The following EZH2 variants were observed in gnomAD, a reference collection of about 807,000 sequenced individuals.
EZH2 encodes enhancer of zeste 2 polycomb repressive complex 2 subunit.
EZH2 carries 18 observed loss-of-function variants against 98.4 expected under a neutral mutation model. That is an observed-to-expected ratio of 0.18 (90% CI 0.13 to 0.27). The LOEUF (loss-of-function observed/expected upper bound fraction) is 0.27, where lower values mean the gene tolerates loss of function less well. Among genes scored for constraint, EZH2 ranks in the 10% least tolerant of loss-of-function variants. The pLI is 1.00. For missense variants in EZH2, 470 were observed against 935.1 expected (o/e 0.50, Z 6.49); for synonymous variants, 338 against 312.3 (o/e 1.08, Z -0.87).
At chr7:148,814,890 T>C (rs763655878) in intron 14 of EZH2, 24 bp downstream of exon 14, 2 of 1,607,670 alleles carry the variant, frequency 1.2e-6, no homozygotes, top group Non-Finnish European at 1.7e-6. Context: ...CTCATGCAAT[T>C]GCATCAAAGC....
chr7:148,852,801 C>CA (rs1816088516), intron 1 of EZH2, among the ~76,000 whole-genome samples: 1 of 152,000 alleles, frequency 6.6e-6, no homozygotes, highest in African/African-American at 2.4e-5. Context: ...AAATTCCCAT[C>CA]TTTTTTTTCT....
At chr7:148,825,159 G>A (rs1807327345) in intron 8 of EZH2, among the ~76,000 whole-genome samples, 1 of 152,154 alleles carries the variant, frequency 6.6e-6, no homozygotes, top group Non-Finnish European at 1.5e-5. Context: ...TTGCTATAGT[G>A]ATATCTACAT....
At chr7:148,883,519 C>A (rs1821320837) in intron 1 of EZH2, 1 of 151,104 alleles carries the variant, frequency 6.6e-6, no homozygotes, top group Admixed American at 6.6e-5. Flanking sequence ...CCCGCGAGCG[C>A]CGCGGCCCCA....
chr7:148,883,647 G>A (rs1173623843), intron 1 of EZH2: 1 of 150,644 alleles, frequency 6.6e-6, no homozygotes, highest in African/African-American at 2.4e-5. Context: ...GCGGGCCCGG[G>A]TGTCATGCCC....
At chr7:148,815,684 A>C (rs1804364068) in intron 12 of EZH2, 138 bp from the exon 13 acceptor site, 7 of 753,496 alleles carry the variant, frequency 9.3e-6, no homozygotes, top group South Asian at 1.7e-5. Context: ...CCCAGTTTAT[A>C]TTTGCCATCA....
chr7:148,822,433 C>G (rs890693356), intron 8 of EZH2, among the ~76,000 whole-genome samples: 4 of 151,818 alleles, frequency 2.6e-5, no homozygotes, highest in Admixed American at 6.6e-5. Context: ...TCCCTTGAAC[C>G]CAGGAGGCAA....
chr7:148,809,481 G>A (rs1274278508), intron 17 of EZH2, 91 bp from the exon 18 acceptor site: 1 of 961,340 alleles, frequency 1.0e-6, no homozygotes, highest in Non-Finnish European at 1.6e-6. Flanking sequence ...ACTGGTTACA[G>A]TTCTTCAGGG....
Position 148,850,490 on chromosome 7 carries a change from G to A in EZH2, c.-7-3185C>T, listed in dbSNP as rs1368471588. The A allele has an allele frequency of 4.2e-6, 4 of 953,536 alleles. No individual in the cohort carries two copies. In the African/African-American group the frequency reaches 7.1e-5, roughly 17 times the overall value. 59.1% of individuals were successfully genotyped at this position (953,536 alleles called of 1,614,324 possible). A position where few individuals can be genotyped will look rare whatever the true frequency, so the allele number is the denominator to read the frequency against. On this transcript the variant is annotated intron_variant, in intron 1 of 19. Coordinates refer to ENST00000320356, the MANE Select transcript of EZH2 (RefSeq NM_004456.5). ...TATCATGAAAATCTACAGCATCCAGGTAGTTCTTTGAAAGTGTAAGACTAA... is the reference window on the plus strand; with the variant it reads ...TATCATGAAAATCTACAGCATCCAGATAGTTCTTTGAAAGTGTAAGACTAA...
chr7:148,881,534 A>C (rs1820955904), intron 1 of EZH2, among the ~76,000 whole-genome samples: 1 of 152,224 alleles, frequency 6.6e-6, no homozygotes, highest in Non-Finnish European at 1.5e-5. Flanking sequence ...ATAATTTAAT[A>C]TGAATTTTTA....
Position 148,821,588 on chromosome 7 carries a change from C to T in EZH2, c.908-1901G>A, listed in dbSNP as rs959704065. Among the ~76,000 whole-genome samples the T allele has an allele frequency of 4.0e-5, 6 of 151,878 alleles. No individual in the cohort carries two copies. In the South Asian group the frequency reaches 1.3e-3, roughly 32 times the overall value. Reference sequence around the variant, plus strand: ...GCCTGTAATTCCAGCACTTTGGGAGCCCAAAGTAGGAGCATCACTTGAGGC... The same window carrying T: ...GCCTGTAATTCCAGCACTTTGGGAGTCCAAAGTAGGAGCATCACTTGAGGC... On this transcript the variant is annotated intron_variant, in intron 8 of 19. Coordinates refer to ENST00000320356, the MANE Select transcript of EZH2 (RefSeq NM_004456.5).
At chr7:148,843,393 C>G (rs1014485665) in intron 3 of EZH2, among the ~76,000 whole-genome samples, 32 of 151,702 alleles carry the variant, frequency 2.1e-4, no homozygotes, top group African/African-American at 6.3e-4. Flanking sequence ...AAACCACACA[C>G]AGTAAGAAAA....
chr7:148,813,650 G>C (rs1173385464), intron 15 of EZH2, among the ~76,000 whole-genome samples: 1 of 151,030 alleles, frequency 6.6e-6, no homozygotes, highest in East Asian at 1.9e-4. Flanking sequence ...TTAACTAAAA[G>C]ACAAATTCAA....
chr7:148,879,193 C>T (rs1219835197), intron 1 of EZH2, among the ~76,000 whole-genome samples: 1 of 151,960 alleles, frequency 6.6e-6, no homozygotes, highest in Non-Finnish European at 1.5e-5. Flanking sequence ...CCACTGCACT[C>T]CAGCCTGGGC....
At chr7:148,856,481 A>G (rs1384536832) in intron 1 of EZH2, among the ~76,000 whole-genome samples, 1 of 152,222 alleles carries the variant, frequency 6.6e-6, no homozygotes, top group Non-Finnish European at 1.5e-5. Context: ...TCTGTCCAAC[A>G]GAGGGCCTGG....
chr7:148,819,171 A>G (rs79051906), intron 9 of EZH2: 11 of 409,434 alleles, frequency 2.7e-5, no homozygotes, highest in Non-Finnish European at 4.7e-5. Context: ...AAAAAAAAAA[A>G]TCTGTGGAAC....
At chr7:148,850,454 C>G (rs1815425380) in intron 1 of EZH2, 3 of 967,656 alleles carry the variant, frequency 3.1e-6, no homozygotes, top group Admixed American at 6.2e-5. Flanking sequence ...AATAACATAC[C>G]TAATAAAGTA....
At chr7:148,839,033 T>C (rs751162999) in intron 3 of EZH2, among the ~76,000 whole-genome samples, 8 of 117,374 alleles carry the variant, frequency 6.8e-5, no homozygotes, top group South Asian at 5.1e-4. Context: ...GCATGGGTAA[T>C]AGAGCAAAAC....
At chr7:148,813,635 A>AACT (rs112720964) in intron 15 of EZH2, among the ~76,000 whole-genome samples, 5,178 of 151,740 alleles carry the variant, frequency 0.034, 298 homozygotes, top group African/African-American at 0.12. Context: ...ATACTAGATA[A>AACT]ACTATTAACT....
intron 1 of EZH2, among the ~76,000 whole-genome samples, chr7:148,869,972 G>C (rs1374867121): frequency 1.3e-5 from 2 of 152,208 alleles, no homozygotes; most frequent in African/African-American, 4.8e-5. Flanking sequence ...TGTAATCCCT[G>C]CACTCTGGGA....
Sources: allele counts gnomAD v4.1 joint callset (sites outside exome capture counted in the v4.1 genomes callset), GRCh38; gene constraint gnomAD v4.1.1; transcripts MANE v1.5; gene names NCBI Gene and HGNC (gene_info 2026-07-23, HGNC 2026-07-21).